AGAP1: variants seen among roughly 807,000 people sequenced by gnomAD.
The protein encoded by AGAP1 is ArfGAP with GTPase domain, ankyrin repeat and PH domain 1.
A neutral mutation model predicts 105.3 loss-of-function variants in AGAP1; 29 were observed. The ratio of observed to expected loss-of-function variants is 0.28; its 90% CI spans 0.21 to 0.38. AGAP1 has a LOEUF of 0.38. Among genes scored for constraint, AGAP1 ranks in the 10% least tolerant of loss-of-function variants. AGAP1 has a pLI of 1.00. For missense variants in AGAP1, 998 were observed against 1,165.1 expected, an observed-to-expected ratio of 0.86 and a Z score of 2.09; for synonymous variants, 509 against 485.9, an observed-to-expected ratio of 1.05 and a Z score of -0.63.
intron 1 of AGAP1, among the ~76,000 whole-genome samples, chr2:235,515,199 CA>C (rs1942329408): frequency 6.6e-6 from 1 of 152,146 alleles, no homozygotes; most frequent in South Asian, 2.1e-4. Flanking sequence ...CTGGCTGACT[CA>C]AGCAGACATG....
Position 235,747,397 on chromosome 2 carries a change from G to A in AGAP1, c.538+2558G>A, listed in dbSNP as rs1362188818. Among the ~76,000 whole-genome samples, 2 of 152,196 alleles carry A rather than the reference G, an allele frequency of 1.3e-5. No homozygotes were observed. Among genetic ancestry groups the A allele is most frequent in the Non-Finnish European group, 2.9e-5 (2 of 68,026 alleles). On this transcript the variant is annotated intron_variant, in intron 5 of 17. Transcript: ENST00000304032. The surrounding 1 kb of genome is among the most constrained non-coding windows in gnomAD (Gnocchi z 5.0). ...GCCCCAGGGGAGTGTGTGCGTGTGC[G>A]AGGGTGGCCTCTGGGGTTGGGAGGT... is the stretch of plus-strand genomic sequence containing the variant.
At chr2:235,673,909 A>T (rs1256840430) in intron 1 of AGAP1, among the ~76,000 whole-genome samples, 1 of 152,210 alleles carries the variant, frequency 6.6e-6, no homozygotes, top group Non-Finnish European at 1.5e-5. Flanking sequence ...TAATTATTGC[A>T]TTAGTCTATT....
At position 235,777,916 on chromosome 2, in the gene AGAP1, G is replaced by A. The variant is rs1956002463; in HGVS notation, c.674-19843G>A. On this transcript the variant is annotated intron_variant, in intron 6 of 17. Transcript: ENST00000304032. The surrounding 1 kb of genome is among the most constrained non-coding windows in gnomAD (Gnocchi z 5.1). ...CATTTTCTGTACCTTTGAAATGTTT[G>A]TAGTGGTTGGAAGGAGGGGACTTCC... Among the ~76,000 whole-genome samples the A allele has an allele frequency of 6.6e-6, 1 of 152,184 alleles. No homozygotes were observed. The highest frequency in any genetic ancestry group is 1.5e-5 in the Non-Finnish European group (1 of 68,050).
intron 1 of AGAP1, among the ~76,000 whole-genome samples, chr2:235,706,791 A>G (rs1950558058): frequency 6.6e-6 from 1 of 152,220 alleles, no homozygotes; most frequent in Admixed American, 6.5e-5. Flanking sequence ...TGGGGCCTGC[A>G]TTTTGGAGTC....
chr2:235,839,622 T>C (rs4663619), intron 9 of AGAP1, among the ~76,000 whole-genome samples: 82,179 of 151,964 alleles, frequency 0.54, 22,900 homozygotes, highest in East Asian at 0.82. Context: ...AGCCAGACTC[T>C]AGGCTTTGGG....
At chr2:235,646,604 G>A (rs753939679) in intron 1 of AGAP1, among the ~76,000 whole-genome samples, 1 of 152,174 alleles carries the variant, frequency 6.6e-6, no homozygotes. Flanking sequence ...TCCTGTGTTG[G>A]TGTGTCGCTT....
At chr2:235,945,223 C>T (rs1013350363) in intron 12 of AGAP1, among the ~76,000 whole-genome samples, 7 of 152,184 alleles carry the variant, frequency 4.6e-5, no homozygotes, top group Non-Finnish European at 8.8e-5. Context: ...GCCTCAGCCT[C>T]CTGAGTATCT....
chr2:235,982,125 A>G lies in AGAP1; in HGVS notation c.1645+13502A>G, dbSNP rs539657944. The stretch of plus-strand genomic sequence containing the variant: ...ATACCAGATCCACGAAGAACAAATG[A>G]TCAAAGTTTCAAAGGCTGTAATTTT... On this transcript the variant is annotated intron_variant, in intron 13 of 17. Transcript: ENST00000304032. This position sits in a 1 kb window ranked among gnomAD's most constrained non-coding sequence, Gnocchi z 4.9. Among the ~76,000 whole-genome samples, 11 of 152,348 alleles carry G rather than the reference A, an allele frequency of 7.2e-5. No homozygotes were observed. Among genetic ancestry groups the G allele is most frequent in the Admixed American group, 3.9e-4 (6 of 15,302 alleles).
In AGAP1 at chr2:235,689,198, C is replaced by A. The variant is rs1280788550; in HGVS notation, c.164-19981C>A. Among the ~76,000 whole-genome samples, 2 of 152,208 alleles carry A rather than the reference C, an allele frequency of 1.3e-5. No individual in the cohort carries two copies. On this transcript the variant is annotated intron_variant, in intron 1 of 17. Coordinates refer to ENST00000304032, the MANE Select transcript of AGAP1 (RefSeq NM_001037131.3). This position sits in a 1 kb window ranked among gnomAD's most constrained non-coding sequence, Gnocchi z 4.2. ...CTTGTGCTGCCTTCGGTAGATGGCC[C>A]CGGCCCTGCCTATGCCTTGGACACT...
chr2:235,816,257 A>G (rs1358615436), intron 9 of AGAP1, among the ~76,000 whole-genome samples: 1 of 151,526 alleles, frequency 6.6e-6, no homozygotes. Flanking sequence ...CTAACATGGT[A>G]AAACCCCCGT....
rs906622918 is a variant in AGAP1 at position 236,042,091 on chromosome 2, T to C, written c.1891+1250T>C. ...TTCATTTGTAAGCAGAGAGACATCATTGGAGTTTTAGAGCAGGAAGGAGAT... is the reference window on the plus strand; with the variant it reads ...TTCATTTGTAAGCAGAGAGACATCACTGGAGTTTTAGAGCAGGAAGGAGAT... On this transcript the variant is annotated intron_variant, in intron 15 of 17. Transcript: ENST00000304032. The surrounding 1 kb of genome is among the most constrained non-coding windows in gnomAD (Gnocchi z 5.6). Among the ~76,000 whole-genome samples the C allele has an allele frequency of 4.6e-5, 7 of 152,186 alleles. No homozygotes were observed.
chr2:236,065,659 C>T (rs941110868), intron 16 of AGAP1, among the ~76,000 whole-genome samples: 1 of 152,178 alleles, frequency 6.6e-6, no homozygotes, highest in South Asian at 2.1e-4. Context: ...CTAAGGCAAG[C>T]GAGTGGGGTC....
rs2050650421 is a variant in AGAP1, at chr2:235,893,496, TTGTG to T, written c.1155+10048_1155+10051del. Among the ~76,000 whole-genome samples, 1 of 149,670 alleles carries T rather than the reference TTGTG, an allele frequency of 6.7e-6. No homozygotes were observed. The highest frequency in any genetic ancestry group is 6.6e-5 in the Admixed American group (1 of 15,108). ...TGTCCATCATAAGGGTGAGCCATGT[TTGTG>T]GCGTGGGTGTGGCATGTCCACGAGG... On this transcript the variant is annotated intron_variant, in intron 10 of 17. Transcript: ENST00000304032. This position sits in a 1 kb window ranked among gnomAD's most constrained non-coding sequence, Gnocchi z 4.7.
rs2059851283 is a variant in AGAP1, at chr2:236,119,541, CCCCCAGGTGT to C, written c.2115-650_2115-641del. ...GTTTGAAGCTAAAAGCACATGGTCA[CCCCCAGGTGT>C]GGGGAGCGCACCGGCTGTCCCTTCC... On this transcript the variant is annotated intron_variant, in intron 16 of 17. Transcript: ENST00000304032. The surrounding 1 kb of genome is among the most constrained non-coding windows in gnomAD (Gnocchi z 6.6). 6.6e-6 allele frequency among the ~76,000 whole-genome samples: 1 copy of C among 152,160 alleles called. No homozygotes were observed. Among genetic ancestry groups the C allele is most frequent in the Admixed American group, 6.5e-5 (1 of 15,278 alleles).
intron 1 of AGAP1, among the ~76,000 whole-genome samples, chr2:235,536,740 C>T (rs1432342419): frequency 6.6e-6 from 1 of 152,062 alleles, no homozygotes; most frequent in Non-Finnish European, 1.5e-5. Context: ...GTCTTTGAGT[C>T]TGTTTGGCAT....
Position 235,744,984 on chromosome 2 carries a change from T to C in AGAP1, c.538+145T>C. 1.0e-6 allele frequency: 1 copy of C among 964,072 alleles called. No individual in the cohort carries two copies. Among genetic ancestry groups the C allele is most frequent in the Non-Finnish European group, 1.5e-6 (1 of 668,814 alleles). The allele number at this position is 964,072 out of a possible 1,614,324, so 59.7% of individuals were successfully genotyped here. Reference sequence around the variant, plus strand: ...TTTGGGAAAAATTATGGAACTGAAATGATCACATTTCCTGATTTGATTCTA... The same window carrying C: ...TTTGGGAAAAATTATGGAACTGAAACGATCACATTTCCTGATTTGATTCTA... On this transcript the variant is annotated intron_variant, in intron 5 of 17. Coordinates refer to ENST00000304032, the MANE Select transcript of AGAP1 (RefSeq NM_001037131.3). This position sits in a 1 kb window ranked among gnomAD's most constrained non-coding sequence, Gnocchi z 5.2.
At chr2:235,634,028 G>A (rs1283654037) in intron 1 of AGAP1, among the ~76,000 whole-genome samples, 4 of 152,222 alleles carry the variant, frequency 2.6e-5, no homozygotes, top group African/African-American at 7.2e-5. Context: ...GCCCCCCGCC[G>A]CAGAGTTGCA....
chr2:235,670,102 G>A (rs1165722790), intron 1 of AGAP1: 2 of 519,596 alleles, frequency 3.8e-6, no homozygotes, highest in Non-Finnish European at 7.0e-6. Flanking sequence ...CGGGCGACAT[G>A]TACTTGTTGG....
Position 235,683,693 on chromosome 2 carries a change from C to T in AGAP1, c.164-25486C>T, listed in dbSNP as rs111226229. ...AGATGGCCTTGTTTTTTCTTTCTCT[C>T]TCTCTCTTTTTTTTTTTATTATATT... is the stretch of plus-strand genomic sequence containing the variant. On this transcript the variant is annotated intron_variant, in intron 1 of 17. Coordinates refer to ENST00000304032, the MANE Select transcript of AGAP1 (RefSeq NM_001037131.3). Among the ~76,000 whole-genome samples, 643 of 151,036 alleles carry T rather than the reference C, an allele frequency of 4.3e-3. 6 individuals are homozygous for T. The highest frequency in any genetic ancestry group is 0.015 in the African/African-American group (602 of 40,948).
Sources: allele counts gnomAD v4.1 joint callset (sites outside exome capture counted in the v4.1 genomes callset), GRCh38; gene constraint gnomAD v4.1.1; non-coding constraint Gnocchi (gnomAD v3.1); transcripts MANE v1.5; gene names NCBI Gene and HGNC (gene_info 2026-07-23, HGNC 2026-07-21).